Variants in LRPPRC observed in about 807,000 individuals in gnomAD.
LRPPRC encodes leucine-rich PPR motif-containing protein, mitochondrial.
LRPPRC carries 120 observed loss-of-function variants against 180.3 expected under a neutral mutation model. That is an observed-to-expected ratio of 0.67 (90% CI 0.57 to 0.77). LRPPRC has a LOEUF of 0.77. Ranked by LOEUF, LRPPRC falls within the 30% of genes least tolerant of loss-of-function variation. The pLI is 0.00. For missense variants in LRPPRC, 2,012 were observed against 1,657.2 expected, an observed-to-expected ratio of 1.21 and a Z score of -3.72; for synonymous variants, 723 against 600.0, an observed-to-expected ratio of 1.21 and a Z score of -3.00.
intron 14 of LRPPRC, among the ~76,000 whole-genome samples, chr2:43,952,451 T>A (rs941394199): frequency 1.5e-4 from 23 of 152,166 alleles, no homozygotes; most frequent in Non-Finnish European, 2.8e-4. Context: ...CAATCTGACT[T>A]CTGGCCCCAA....
At chr2:43,936,887 C>G (rs539693030) in intron 23 of LRPPRC, among the ~76,000 whole-genome samples, 1 of 152,252 alleles carries the variant, frequency 6.6e-6, no homozygotes, top group Non-Finnish European at 1.5e-5. Context: ...TGATATAAAG[C>G]TTTATATAAT....
At position 43,986,928 on chromosome 2, in the gene LRPPRC, C is replaced by T. The variant is rs139543104; in HGVS notation, c.150-4494G>A. ...AAACTAGTTTTCATAGAGCCGCTCTCTCAACTTATTTTGTTGCACTGTAAT... is the reference window on the plus strand; with the variant it reads ...AAACTAGTTTTCATAGAGCCGCTCTTTCAACTTATTTTGTTGCACTGTAAT... On this transcript the variant is annotated intron_variant, in intron 1 of 37. Transcript: ENST00000260665. Among the ~76,000 whole-genome samples the T allele has an allele frequency of 2.4e-3, 371 of 152,332 alleles. 1 individual carries two copies. Among genetic ancestry groups the T allele is most frequent in the African/African-American group, 8.3e-3 (345 of 41,580 alleles).
intron 1 of LRPPRC, among the ~76,000 whole-genome samples, chr2:43,991,289 C>G (rs1372454089): frequency 6.6e-6 from 1 of 152,084 alleles, no homozygotes; most frequent in Non-Finnish European, 1.5e-5. Context: ...GCCTCGGCCT[C>G]CCAAAGTGCT....
At chr2:43,894,230 T>C (rs1300926617) in intron 36 of LRPPRC, among the ~76,000 whole-genome samples, 7 of 152,146 alleles carry the variant, frequency 4.6e-5, no homozygotes, top group Admixed American at 3.3e-4. Flanking sequence ...GTTTCTGATA[T>C]ATAAGTCCAA....
intron 12 of LRPPRC, among the ~76,000 whole-genome samples, chr2:43,962,119 G>C (rs1673372229): frequency 6.6e-6 from 1 of 152,304 alleles, no homozygotes; most frequent in African/African-American, 2.4e-5. Context: ...TTTGGGATAA[G>C]TTTCCAAATT....
intron 1 of LRPPRC, among the ~76,000 whole-genome samples, chr2:43,987,960 C>G (rs9309113): frequency 0.91 from 138,112 of 152,200 alleles, 63,253 homozygotes; most frequent in African/African-American, 0.97. Context: ...AAAGAAACAA[C>G]GGGCCAGGCA....
intron 25 of LRPPRC, among the ~76,000 whole-genome samples, chr2:43,926,981 A>G (rs760104863): frequency 6.6e-6 from 1 of 152,242 alleles, no homozygotes; most frequent in Admixed American, 6.5e-5. Flanking sequence ...AGAAATTACT[A>G]TCGTTTGGTC....
intron 14 of LRPPRC, among the ~76,000 whole-genome samples, chr2:43,955,955 T>TG (rs752110729): frequency 5.9e-4 from 89 of 152,134 alleles, no homozygotes; most frequent in Non-Finnish European, 1.1e-3. Flanking sequence ...CAAACTTTGG[T>TG]GGTGGCATCA....
chr2:43,974,433 C>CTGATGATT lies in LRPPRC; in HGVS notation c.1010-139_1010-138insAATCATCA, dbSNP rs1264599526. The CTGATGATT allele has an allele frequency of 1.5e-5, 12 of 825,324 alleles. No individual in the cohort carries two copies. In the African/African-American group the frequency reaches 1.9e-4, roughly 13 times the overall value. 51.1% of individuals were successfully genotyped at this position (825,324 alleles called of 1,614,324 possible). A position where few individuals can be genotyped will look rare whatever the true frequency, so the allele number is the denominator to read the frequency against. ...AACTGCCTAAATAACAATAAAACACCTGCAAATCAAATCATCCCCATGTGT... is the reference window on the plus strand; with the variant it reads ...AACTGCCTAAATAACAATAAAACACCTGATGATTTGCAAATCAAATCATCCCCATGTGT... On this transcript the variant is annotated intron_variant, in intron 8 of 37. Transcript: ENST00000260665.
At chr2:43,964,047 G>A (rs1477896455) in intron 11 of LRPPRC, among the ~76,000 whole-genome samples, 1 of 152,150 alleles carries the variant, frequency 6.6e-6, no homozygotes, top group Non-Finnish European at 1.5e-5. Flanking sequence ...TGATGGACTT[G>A]TACACAAAAA....
intron 11 of LRPPRC, among the ~76,000 whole-genome samples, chr2:43,971,453 T>C (rs1673799913): frequency 8.7e-6 from 1 of 114,638 alleles, no homozygotes; most frequent in African/African-American, 3.5e-5. Context: ...ACAGGGCACA[T>C]GCCCTCAGGA....
intron 2 of LRPPRC, among the ~76,000 whole-genome samples, chr2:43,980,415 A>G (rs575479771): frequency 8.5e-5 from 13 of 152,116 alleles, no homozygotes; most frequent in Admixed American, 6.5e-4. Flanking sequence ...TAGCTGGGCG[A>G]GATGGCGCAT....
chr2:43,913,090 T>A (rs1671322031), intron 29 of LRPPRC, among the ~76,000 whole-genome samples: 1 of 152,150 alleles, frequency 6.6e-6, no homozygotes, highest in Non-Finnish European at 1.5e-5. Context: ...ATCACATTAT[T>A]TGGCTACGAC....
chr2:43,976,926 G>A (rs1419661579), intron 5 of LRPPRC, 68 bp downstream of exon 5: 1 of 1,289,842 alleles, frequency 7.8e-7, no homozygotes, highest in East Asian at 2.3e-5. Context: ...AAAACAAAGA[G>A]TGAACAGACA....
At chr2:43,901,646 A>T (rs962137134) in intron 31 of LRPPRC, 122 bp from the exon 32 acceptor site, 1 of 692,596 alleles carries the variant, frequency 1.4e-6, no homozygotes, top group Non-Finnish European at 2.6e-6. Flanking sequence ...ATGAATAATT[A>T]ATTTTAGATT....
At chr2:43,943,480 G>C (rs537828390) in intron 23 of LRPPRC, among the ~76,000 whole-genome samples, 2 of 151,944 alleles carry the variant, frequency 1.3e-5, no homozygotes, top group South Asian at 4.2e-4. Flanking sequence ...AAAGCACCAG[G>C]GACTATTCCA....
chr2:43,941,976 G>A (rs1435391300), intron 23 of LRPPRC, among the ~76,000 whole-genome samples: 1 of 152,084 alleles, frequency 6.6e-6, no homozygotes, highest in Non-Finnish European at 1.5e-5. Context: ...TCAATTAGCA[G>A]GGAGAGCCAA....
intron 11 of LRPPRC, among the ~76,000 whole-genome samples, chr2:43,967,331 G>C (rs757284075): frequency 4.6e-5 from 7 of 152,134 alleles, no homozygotes. Context: ...GGAGGTCAAG[G>C]CTGACAGAGT....
At chr2:43,959,829 A>C (rs1673265634) in intron 13 of LRPPRC, among the ~76,000 whole-genome samples, 1 of 152,206 alleles carries the variant, frequency 6.6e-6, no homozygotes, top group Non-Finnish European at 1.5e-5. Context: ...GGATGCAGTG[A>C]GTCAAGTTCG....
Sources: allele counts gnomAD v4.1 joint callset (sites outside exome capture counted in the v4.1 genomes callset), GRCh38; gene constraint gnomAD v4.1.1; transcripts MANE v1.5; gene names NCBI Gene and HGNC (gene_info 2026-07-23, HGNC 2026-07-21).